CAMKK2: variants seen among roughly 807,000 people sequenced by gnomAD.
CAMKK2 encodes calcium/calmodulin-dependent protein kinase kinase 2.
A neutral mutation model predicts 67.2 loss-of-function variants in CAMKK2; 30 were observed. The observed-to-expected ratio is 0.45, with a 90% CI of 0.33 to 0.61. The LOEUF (loss-of-function observed/expected upper bound fraction) is 0.61, where lower values mean the gene tolerates loss of function less well. CAMKK2 is among the 20% of genes least tolerant of loss of function. The probability of loss-of-function intolerance (pLI) is 0.02; values close to 1 mark genes in which losing one functional copy is unlikely to be tolerated. For synonymous variants in CAMKK2, 322 were observed against 326.2 expected (o/e 0.99, Z 0.14); for missense variants, 643 against 802.0 (o/e 0.80, Z 2.39).
At chr12:121,257,407 C>T (rs187387848) in intron 7 of CAMKK2, among the ~76,000 whole-genome samples, 118 of 152,176 alleles carry the variant, frequency 7.8e-4, no homozygotes, top group African/African-American at 2.6e-3. Context: ...CCACCACACC[C>T]GGCTAATTTT....
intron 1 of CAMKK2, among the ~76,000 whole-genome samples, chr12:121,288,247 T>C (rs147365578): frequency 0.017 from 2,567 of 152,322 alleles, 28 homozygotes; most frequent in South Asian, 0.04. Context: ...CTACCCAGCA[T>C]GCTCTTGGCA....
intron 1 of CAMKK2, among the ~76,000 whole-genome samples, chr12:121,294,289 G>C (rs1269414796): frequency 6.6e-6 from 1 of 151,960 alleles, no homozygotes. Context: ...CACTTTAGTA[G>C]GCATCCCTGA....
At chr12:121,284,920 G>C (rs529132422) in intron 1 of CAMKK2, among the ~76,000 whole-genome samples, 1 of 152,268 alleles carries the variant, frequency 6.6e-6, no homozygotes, top group South Asian at 2.1e-4. Context: ...TGAATTCCCG[G>C]GCCTAGAACT....
chr12:121,265,667 G>A (rs1894386260), intron 5 of CAMKK2, among the ~76,000 whole-genome samples: 1 of 152,066 alleles, frequency 6.6e-6, no homozygotes, highest in South Asian at 2.1e-4. Context: ...AGGAGATCGA[G>A]ACCATCCTGG....
intron 1 of CAMKK2, among the ~76,000 whole-genome samples, chr12:121,277,166 A>G (rs1566116672): frequency 6.6e-6 from 1 of 152,186 alleles, no homozygotes; most frequent in Non-Finnish European, 1.5e-5. Context: ...CCAACAGGAA[A>G]GGCAAAAGGG....
chr12:121,242,680 G>A (rs753853848), intron 16 of CAMKK2, among the ~76,000 whole-genome samples: 1 of 152,312 alleles, frequency 6.6e-6, no homozygotes, highest in Admixed American at 6.5e-5. Flanking sequence ...CCAAACAGGT[G>A]TTCCTCCTAG....
chr12:121,263,677 G>T, intron 6 of CAMKK2, 129 bp downstream of exon 6: 1 of 689,506 alleles, frequency 1.5e-6, no homozygotes, highest in Non-Finnish European at 2.2e-6. Context: ...TTAGGGAGCA[G>T]TAAATACAAC....
intron 2 of CAMKK2, among the ~76,000 whole-genome samples, chr12:121,271,716 T>C (rs1261868143): frequency 6.6e-6 from 1 of 152,198 alleles, no homozygotes; most frequent in Non-Finnish European, 1.5e-5. Context: ...TTGGCTTTTT[T>C]TTCTTTTTGA....
intron 3 of CAMKK2, 169 bp from the exon 4 acceptor site, chr12:121,269,750 A>T: frequency 1.6e-6 from 1 of 617,322 alleles, no homozygotes; most frequent in Non-Finnish European, 2.9e-6. Flanking sequence ...GCCAAGATTT[A>T]AAAACAGAAA....
At chr12:121,277,097 C>T (rs932163098) in intron 1 of CAMKK2, among the ~76,000 whole-genome samples, 21 of 152,242 alleles carry the variant, frequency 1.4e-4, no homozygotes, top group Non-Finnish European at 2.4e-4. Context: ...GCTCTCGGAA[C>T]GGTCCTTCCA....
At chr12:121,278,119 C>T (rs915892338) in intron 1 of CAMKK2, among the ~76,000 whole-genome samples, 2 of 152,100 alleles carry the variant, frequency 1.3e-5, no homozygotes, top group African/African-American at 4.8e-5. Flanking sequence ...ATTTCTCTGT[C>T]CCCCATTCCC....
chr12:121,239,671 T>C lies in CAMKK2; in HGVS notation c.*1028A>G, dbSNP rs1888020865. On this transcript the variant is annotated 3_prime_UTR_variant, in exon 17 of 17. Coordinates refer to ENST00000404169, the MANE Select transcript of CAMKK2 (RefSeq NM_001270485.2). Reference sequence around the variant, plus strand: ...ATGAAAACAAAACCTTAGCAGTCTTTAGAATATACAGGTTATGAACTAGCT... The same window carrying C: ...ATGAAAACAAAACCTTAGCAGTCTTCAGAATATACAGGTTATGAACTAGCT... The C allele has an allele frequency of 6.6e-6, 1 of 152,158 alleles. No homozygotes were observed. Among genetic ancestry groups the C allele is most frequent in the African/African-American group, 2.4e-5 (1 of 41,432 alleles). The allele number at this position is 152,158 out of a possible 1,614,324, so 9.4% of individuals were successfully genotyped here. A position where few individuals can be genotyped will look rare whatever the true frequency, so the allele number is the denominator to read the frequency against.
At chr12:121,279,543 G>A (rs920412873) in intron 1 of CAMKK2, among the ~76,000 whole-genome samples, 1 of 152,228 alleles carries the variant, frequency 6.6e-6, no homozygotes, top group Non-Finnish European at 1.5e-5. Flanking sequence ...CACCCAGCAC[G>A]GAGATAACCG....
intron 16 of CAMKK2, 49 bp downstream of exon 16, chr12:121,244,524 C>T: frequency 3.9e-6 from 6 of 1,532,456 alleles, no homozygotes; most frequent in Non-Finnish European, 5.3e-6. Context: ...TGCCCACCCG[C>T]CCCCCTCAGG....
Position 121,240,591 on chromosome 12 carries a change from G to A in CAMKK2, c.*108C>T. 1 of 1,534,316 alleles carries A rather than the reference G, an allele frequency of 6.5e-7. No individual in the cohort carries two copies. The highest frequency in any genetic ancestry group is 8.7e-7 in the Non-Finnish European group (1 of 1,146,550). On this transcript the variant is annotated 3_prime_UTR_variant, in exon 17 of 17. Coordinates refer to ENST00000404169, the MANE Select transcript of CAMKK2 (RefSeq NM_001270485.2). This position sits in a 1 kb window ranked among gnomAD's most constrained non-coding sequence, Gnocchi z 4.4. Reference sequence around the variant, plus strand: ...CAAATAACCAGAGATGACGATCGAGGCTCTACACACGTGCTGGGTTTCCGT... The same window carrying A: ...CAAATAACCAGAGATGACGATCGAGACTCTACACACGTGCTGGGTTTCCGT...
At chr12:121,263,704 C>T (rs183788410) in intron 6 of CAMKK2, 102 bp downstream of exon 6, 13 of 1,057,834 alleles carry the variant, frequency 1.2e-5, no homozygotes, top group African/African-American at 4.7e-5. Context: ...CTGCAGTGAG[C>T]GGTCTGGTGT....
chr12:121,253,419 C>T lies in CAMKK2; in HGVS notation c.961G>A (p.Gly321Arg), dbSNP rs1466529785. The T allele has an allele frequency of 5.6e-6, 9 of 1,614,146 alleles. No individual in the cohort carries two copies. Among genetic ancestry groups the T allele is most frequent in the South Asian group, 1.1e-5 (1 of 91,076 alleles). ...RDIKPSNLLV[G>R]EDGHIKIADF... ...GCGATCTTGATGTGCCCATCTTCTC[C>T]GACCAGGAGGTTGGAAGGTTTGATG... The change falls in exon 10 of 17, where the codon GGA becomes AGA. Residue 321 changes from glycine (G) to arginine (R), a missense_variant. Gly to Arg is a moderately radical substitution (Grantham distance 125). Transcript: ENST00000404169. The surrounding 1 kb of genome is among the most constrained non-coding windows in gnomAD (Gnocchi z 5.0).
At chr12:121,265,643 T>G (rs1894379522) in intron 5 of CAMKK2, among the ~76,000 whole-genome samples, 1 of 151,780 alleles carries the variant, frequency 6.6e-6, no homozygotes, top group African/African-American at 2.4e-5. Flanking sequence ...CCGAGGTGGG[T>G]GGATCATGAG....
chr12:121,262,384 C>T (rs1417014148), intron 6 of CAMKK2, among the ~76,000 whole-genome samples: 8 of 151,896 alleles, frequency 5.3e-5, no homozygotes, highest in Admixed American at 2.0e-4. Flanking sequence ...TGGTAGCGGG[C>T]ACCTGGAGTC....
Sources: gnomAD v4.1 joint callset for allele counts (sites outside exome capture counted in the v4.1 genomes callset) on GRCh38, gnomAD v4.1.1 for gene constraint, Gnocchi (gnomAD v3.1) non-coding constraint, MANE v1.5 for transcripts, NCBI Gene and HGNC (gene_info 2026-07-23, HGNC 2026-07-21) for gene names.